The following FBXL17 variants were observed in gnomAD, a reference collection of about 807,000 sequenced individuals.
The protein encoded by FBXL17 is F-box/LRR-repeat protein 17.
In FBXL17, 22 loss-of-function variants were observed where a neutral mutation model predicts 66.2. The ratio of observed to expected loss-of-function variants is 0.33; its 90% confidence interval spans 0.24 to 0.47. FBXL17 has a LOEUF of 0.47. Among genes scored for constraint, FBXL17 ranks in the 20% least tolerant of loss-of-function variants. The probability of loss-of-function intolerance (pLI) is 1.00; values close to 1 mark genes in which losing one functional copy is unlikely to be tolerated. For synonymous variants in FBXL17, 474 were observed against 400.5 expected, an observed-to-expected ratio of 1.18 and a Z score of -2.19; for missense variants, 878 against 948.2, an observed-to-expected ratio of 0.93 and a Z score of 0.97.
At chr5:108,240,286 G>A (rs763466223) in intron 4 of FBXL17, among the ~76,000 whole-genome samples, 1 of 152,254 alleles carries the variant, frequency 6.6e-6, no homozygotes, top group East Asian at 1.9e-4. Flanking sequence ...ATTAGCTCTT[G>A]GATGGCATTT....
chr5:107,892,211 A>T (rs1749217819), intron 7 of FBXL17, among the ~76,000 whole-genome samples: 1 of 152,196 alleles, frequency 6.6e-6, no homozygotes, highest in African/African-American at 2.4e-5. Context: ...AAATTGAAAA[A>T]TCATAACTCA....
At chr5:108,329,530 C>T (rs1023930707) in intron 4 of FBXL17, among the ~76,000 whole-genome samples, 6 of 152,010 alleles carry the variant, frequency 3.9e-5, no homozygotes, top group Non-Finnish European at 7.4e-5. Flanking sequence ...TAGAATAATG[C>T]CAAAACTCAA....
At chr5:107,917,794 T>C (rs780326729) in intron 7 of FBXL17, among the ~76,000 whole-genome samples, 32 of 152,218 alleles carry the variant, frequency 2.1e-4, no homozygotes, top group Non-Finnish European at 4.6e-4. Flanking sequence ...TGATTTTGTT[T>C]CTTTTTGGCT....
intron 7 of FBXL17, among the ~76,000 whole-genome samples, chr5:107,997,101 G>C (rs1185138500): frequency 6.6e-6 from 1 of 152,176 alleles, no homozygotes; most frequent in African/African-American, 2.4e-5. Flanking sequence ...AGTATTCCGG[G>C]ATGAGAGATT....
Position 108,381,365 on chromosome 5 carries a change from G to C in FBXL17, c.327C>G (p.Ala109=), listed in dbSNP as rs1328109063. ...HLARRYAALA[A]EDCAAAARRF... ...GGCGGGCAGCAGCGGCGCAGTCCTC[G>C]GCGGCCAGGGCCGCGTAGCGCCGCG... is the stretch of plus-strand genomic sequence containing the variant. The change falls in exon 1 of 9, where the codon GCC becomes GCG. Residue 109 remains alanine, a synonymous_variant. Coordinates refer to ENST00000542267, the MANE Select transcript of FBXL17 (RefSeq NM_001163315.3). 20 of 1,335,040 alleles carry C rather than the reference G, an allele frequency of 1.5e-5. No homozygotes were observed. The highest frequency in any genetic ancestry group is 2.8e-4 in the Middle Eastern group (1 of 3,604). The allele number at this position is 1,335,040 out of a possible 1,614,324, so 82.7% of individuals were successfully genotyped here.
chr5:107,898,088 G>A (rs1392758596), intron 7 of FBXL17, among the ~76,000 whole-genome samples: 1 of 152,156 alleles, frequency 6.6e-6, no homozygotes, highest in Non-Finnish European at 1.5e-5. Flanking sequence ...AGAAGAAGCT[G>A]TGAAGGAAAC....
intron 5 of FBXL17, among the ~76,000 whole-genome samples, chr5:108,205,608 G>C (rs1035773022): frequency 2.6e-5 from 4 of 152,090 alleles, no homozygotes; most frequent in African/African-American, 9.7e-5. Flanking sequence ...TGGGTCATTT[G>C]CGTTAGACAA....
chr5:107,967,122 T>C (rs1752173095), intron 7 of FBXL17, among the ~76,000 whole-genome samples: 1 of 152,120 alleles, frequency 6.6e-6, no homozygotes, highest in Non-Finnish European at 1.5e-5. Context: ...AACTACACTA[T>C]TCATATCATT....
At chr5:108,016,141 T>C (rs1754378002) in intron 7 of FBXL17, among the ~76,000 whole-genome samples, 1 of 152,254 alleles carries the variant, frequency 6.6e-6, no homozygotes, top group East Asian at 1.9e-4. Flanking sequence ...ATCATAATCA[T>C]GGACAAAGTG....
chr5:108,005,351 C>T (rs1753885115), intron 7 of FBXL17, among the ~76,000 whole-genome samples: 1 of 152,166 alleles, frequency 6.6e-6, no homozygotes, highest in Admixed American at 6.5e-5. Context: ...GTCATCCTTT[C>T]ATATGCCCTA....
chr5:108,354,391 A>G (rs1747830992), intron 3 of FBXL17, among the ~76,000 whole-genome samples: 1 of 152,168 alleles, frequency 6.6e-6, no homozygotes, highest in Admixed American at 6.6e-5. Flanking sequence ...GACATGGTTA[A>G]GGAAAAAGTC....
At chr5:108,018,673 T>C (rs1754474336) in intron 7 of FBXL17, among the ~76,000 whole-genome samples, 1 of 152,058 alleles carries the variant, frequency 6.6e-6, no homozygotes, top group Non-Finnish European at 1.5e-5. Flanking sequence ...GAAGGTAAGA[T>C]GGGGCAGAGA....
intron 6 of FBXL17, among the ~76,000 whole-genome samples, chr5:108,124,874 T>C (rs1298989802): frequency 2.0e-5 from 3 of 152,096 alleles, no homozygotes; most frequent in Non-Finnish European, 4.4e-5. Flanking sequence ...CTTGCTGACA[T>C]AGTAAAAAAT....
intron 5 of FBXL17, among the ~76,000 whole-genome samples, chr5:108,202,582 A>G (rs542664578): frequency 1.2e-3 from 176 of 152,150 alleles, no homozygotes; most frequent in Non-Finnish European, 2.2e-3. Flanking sequence ...TGAGAATAAT[A>G]CAGAACTCTA....
intron 7 of FBXL17, among the ~76,000 whole-genome samples, chr5:107,947,474 A>G (rs1232587088): frequency 3.3e-5 from 5 of 152,190 alleles, no homozygotes; most frequent in Admixed American, 2.0e-4. Flanking sequence ...GACCTTGACC[A>G]TGTGTTGCTA....
At chr5:108,207,346 T>A (rs1295634032) in intron 5 of FBXL17, among the ~76,000 whole-genome samples, 1 of 152,120 alleles carries the variant, frequency 6.6e-6, no homozygotes, top group Non-Finnish European at 1.5e-5. Context: ...TTTTTTATTA[T>A]ACTTTAAGTT....
In FBXL17 at chr5:108,380,939, CG is replaced by C; in HGVS notation, c.752del (p.Pro251ArgfsTer107). On this transcript the variant is annotated frameshift_variant, in exon 1 of 9. Transcript: ENST00000542267. LOFTEE classifies it high-confidence loss of function. ...GGCAGAGCGGCTGCGGGGGCTGCTC[CG>C]GGGCCTGGCAGCAGCCGGCGTCGGG... Reference protein sequence around the residue: ...RPPDAGCCQAPEQPPQPLCPP... With the variant: ...RPPDAGCCQAXEQPPQPLCPP... 2 of 1,221,462 alleles carry C rather than the reference CG, an allele frequency of 1.6e-6. No homozygotes were observed. The highest frequency in any genetic ancestry group is 2.0e-6 in the Non-Finnish European group (2 of 979,544). The allele number at this position is 1,221,462 out of a possible 1,614,324, so 75.7% of individuals were successfully genotyped here. A position where few individuals can be genotyped will look rare whatever the true frequency, so the allele number is the denominator to read the frequency against.
intron 7 of FBXL17, among the ~76,000 whole-genome samples, chr5:108,000,526 A>T (rs961670155): frequency 2.6e-5 from 4 of 152,250 alleles, no homozygotes; most frequent in Admixed American, 2.0e-4. Flanking sequence ...TTTACAAATG[A>T]CAATAGATAT....
At chr5:108,008,674 A>G (rs887638106) in intron 7 of FBXL17, among the ~76,000 whole-genome samples, 1 of 152,206 alleles carries the variant, frequency 6.6e-6, no homozygotes, top group African/African-American at 2.4e-5. Context: ...ACCATCTTCT[A>G]GCATATTCAG....
Sources: allele counts gnomAD v4.1 joint callset (sites outside exome capture counted in the v4.1 genomes callset), GRCh38; gene constraint gnomAD v4.1.1; transcripts MANE v1.5; gene names NCBI Gene and HGNC (gene_info 2026-07-23, HGNC 2026-07-21).